The following SMYD3 variants were observed in gnomAD, a reference collection of about 807,000 sequenced individuals.
SMYD3 encodes histone-lysine N-methyltransferase SMYD3.
In SMYD3, 36 loss-of-function variants were observed where a neutral mutation model predicts 57.7. That is an observed-to-expected ratio of 0.62 (90% CI 0.48 to 0.82). SMYD3 has a LOEUF of 0.82. Among genes scored for constraint, SMYD3 ranks in the 40% least tolerant of loss-of-function variants. The pLI, the probability that SMYD3 is intolerant of heterozygous loss-of-function variation, is 0.00. For synonymous variants in SMYD3, 211 were observed against 195.0 expected (o/e 1.08, Z -0.68); for missense variants, 515 against 538.8 (o/e 0.96, Z 0.44).
intron 5 of SMYD3, among the ~76,000 whole-genome samples, chr1:246,070,180 G>A (rs1192047000): frequency 2.0e-5 from 3 of 152,052 alleles, no homozygotes; most frequent in African/African-American, 7.2e-5. Flanking sequence ...CTAAACCTAC[G>A]GCAACAGCAG....
chr1:245,814,252 G>T, intron 10 of SMYD3: 2 of 491,784 alleles, frequency 4.1e-6, no homozygotes, highest in African/African-American at 2.1e-5. Context: ...CTGTTTTGAA[G>T]GTAAACAATT....
intron 5 of SMYD3, among the ~76,000 whole-genome samples, chr1:246,145,051 G>C (rs2061822035): frequency 6.6e-6 from 1 of 152,166 alleles, no homozygotes. Flanking sequence ...GTCTCACTGT[G>C]TTGCTCAGGC....
At chr1:246,381,053 T>C (rs1458067429) in intron 1 of SMYD3, among the ~76,000 whole-genome samples, 2 of 151,752 alleles carry the variant, frequency 1.3e-5, no homozygotes, top group Non-Finnish European at 2.9e-5. Context: ...TAATGGGGAG[T>C]AGAATGGCAA....
intron 10 of SMYD3, among the ~76,000 whole-genome samples, chr1:245,797,580 C>T (rs201899728): frequency 6.2e-4 from 94 of 151,490 alleles, no homozygotes; most frequent in Admixed American, 1.5e-3. Flanking sequence ...ATGTAAATGA[C>T]AAGTTAATGG....
chr1:245,874,082 A>G (rs1289641862), intron 8 of SMYD3, among the ~76,000 whole-genome samples: 1 of 152,218 alleles, frequency 6.6e-6, no homozygotes, highest in East Asian at 1.9e-4. Context: ...AACAAATTGT[A>G]AATGCCTTTG....
intron 1 of SMYD3, among the ~76,000 whole-genome samples, chr1:246,463,684 A>C (rs4654113): frequency 2.9e-5 from 4 of 136,024 alleles, no homozygotes; most frequent in African/African-American, 5.7e-5. Context: ...AAAAAAAAAA[A>C]CATTAGCTGG....
At chr1:246,488,665 G>GA (rs2068224765) in intron 1 of SMYD3, among the ~76,000 whole-genome samples, 1 of 152,200 alleles carries the variant, frequency 6.6e-6, no homozygotes, top group Admixed American at 6.5e-5. Context: ...CAGCTTGGGT[G>GA]ACACAGTGAG....
chr1:246,350,135 T>C (rs2065800138), intron 2 of SMYD3, among the ~76,000 whole-genome samples: 1 of 152,208 alleles, frequency 6.6e-6, no homozygotes, highest in Non-Finnish European at 1.5e-5. Context: ...ATTCTAGATT[T>C]CAGGTTAAAT....
chr1:246,094,987 GC>G (rs1356710581), intron 5 of SMYD3, among the ~76,000 whole-genome samples: 4 of 151,994 alleles, frequency 2.6e-5, no homozygotes, highest in African/African-American at 9.7e-5. Flanking sequence ...TAGACCCTCT[GC>G]CCCTCCCAGT....
chr1:246,365,192 C>G (rs1011945864), intron 1 of SMYD3, among the ~76,000 whole-genome samples: 47 of 151,964 alleles, frequency 3.1e-4, no homozygotes, highest in African/African-American at 1.1e-3. Flanking sequence ...TGGAATACAG[C>G]AGGTACCATA....
chr1:246,207,329 ACTT>A (rs1324582447), intron 5 of SMYD3, among the ~76,000 whole-genome samples: 1 of 152,104 alleles, frequency 6.6e-6, no homozygotes, highest in African/African-American at 2.4e-5. Flanking sequence ...TTTCTCTTTT[ACTT>A]ACACTGCCTC....
chr1:245,816,439 C>T (rs574071505), intron 10 of SMYD3, among the ~76,000 whole-genome samples: 22 of 148,460 alleles, frequency 1.5e-4, no homozygotes, highest in Non-Finnish European at 2.7e-4. Context: ...CAATGCAATA[C>T]TCATCTAAGC....
chr1:246,042,714 T>A (rs1454734532), intron 5 of SMYD3, among the ~76,000 whole-genome samples: 1 of 151,752 alleles, frequency 6.6e-6, no homozygotes, highest in Non-Finnish European at 1.5e-5. Context: ...GTAAGTTACC[T>A]CCTTCTTAAT....
intron 10 of SMYD3, among the ~76,000 whole-genome samples, chr1:245,787,598 T>C (rs1343754339): frequency 2.6e-5 from 4 of 151,166 alleles, no homozygotes. Flanking sequence ...CCAAGCCTCC[T>C]TTAGAAAAGT....
chr1:245,822,115 T>C (rs1314292625), intron 10 of SMYD3, among the ~76,000 whole-genome samples: 2 of 152,054 alleles, frequency 1.3e-5, no homozygotes, highest in African/African-American at 2.4e-5. Flanking sequence ...TATTGCGGCA[T>C]TATTCACAAT....
chr1:246,322,978 T>G (rs1216196545), intron 5 of SMYD3, among the ~76,000 whole-genome samples: 2 of 152,158 alleles, frequency 1.3e-5, no homozygotes, highest in Non-Finnish European at 2.9e-5. Flanking sequence ...CCGGAGGAGG[T>G]TGATATATTT....
At chr1:246,393,842 A>G (rs1485847433) in intron 1 of SMYD3, among the ~76,000 whole-genome samples, 1 of 152,150 alleles carries the variant, frequency 6.6e-6, no homozygotes, top group Non-Finnish European at 1.5e-5. Context: ...GCAAGAGAGC[A>G]AGACCCTGTC....
intron 1 of SMYD3, among the ~76,000 whole-genome samples, chr1:246,453,289 G>A (rs566511530): frequency 7.9e-5 from 12 of 152,228 alleles, no homozygotes; most frequent in Admixed American, 3.3e-4. Context: ...ACACGATATC[G>A]GACTGAAGGA....
chr1:246,457,531 T>G (rs1467347233), intron 1 of SMYD3, among the ~76,000 whole-genome samples: 1 of 11,026 alleles, frequency 9.1e-5, no homozygotes, highest in Non-Finnish European at 3.5e-4. Context: ...AGACTCTGCC[T>G]CAAAAAAAAA....
Sources: allele counts gnomAD v4.1 joint callset (sites outside exome capture counted in the v4.1 genomes callset), GRCh38; gene constraint gnomAD v4.1.1; transcripts MANE v1.5; gene names NCBI Gene and HGNC (gene_info 2026-07-23, HGNC 2026-07-21).